The following GLIS3 variants were observed in gnomAD, a reference collection of about 807,000 sequenced individuals.
GLIS3 encodes the protein zinc finger protein GLIS3.
In GLIS3, 53 loss-of-function variants were observed where a neutral mutation model predicts 78.6. The ratio of observed to expected loss-of-function variants is 0.67; its 90% confidence interval spans 0.54 to 0.85. GLIS3 has a LOEUF of 0.85. Among genes scored for constraint, GLIS3 ranks in the 40% least tolerant of loss-of-function variants. GLIS3 has a pLI of 0.00. For synonymous variants in GLIS3, 684 were observed against 509.9 expected, an observed-to-expected ratio of 1.34 and a Z score of -4.60; for missense variants, 1,703 against 1,231.1, an observed-to-expected ratio of 1.38 and a Z score of -5.74.
chr9:4,218,369 C>T (rs987900400), intron 2 of GLIS3, among the ~76,000 whole-genome samples: 4 of 152,074 alleles, frequency 2.6e-5, no homozygotes, highest in Non-Finnish European at 5.9e-5. Context: ...AGCTCTGCCT[C>T]CCGGGTTCAC....
At chr9:4,228,137 A>G (rs1362835777) in intron 2 of GLIS3, among the ~76,000 whole-genome samples, 2 of 151,910 alleles carry the variant, frequency 1.3e-5, no homozygotes, top group East Asian at 3.9e-4. Context: ...ATACAAATAA[A>G]GCAAATTTTT....
At chr9:4,374,697 C>A in the GLIS3 span, among the ~76,000 whole-genome samples, 1 of 152,248 alleles carries the variant, frequency 6.6e-6, no homozygotes. Flanking sequence ...AAAGCCCTCT[C>A]ATCTTCTAGA....
chr9:4,199,196 C>G (rs1035699616), intron 2 of GLIS3, among the ~76,000 whole-genome samples: 2 of 152,150 alleles, frequency 1.3e-5, no homozygotes, highest in Admixed American at 1.3e-4. Flanking sequence ...ATAGAAGGGT[C>G]AAAGTCTCAC....
intron 2 of GLIS3, among the ~76,000 whole-genome samples, chr9:4,256,326 G>C (rs951182704): frequency 3.9e-5 from 6 of 152,092 alleles, no homozygotes; most frequent in East Asian, 1.9e-4. Context: ...AAGTATGAAA[G>C]GTTAATGTTT....
At chr9:4,152,094 T>A (rs1834730511) in intron 2 of GLIS3, 1 of 975,276 alleles carries the variant, frequency 1.0e-6, no homozygotes, top group Non-Finnish European at 1.2e-6. Flanking sequence ...AACACAATAT[T>A]TTTCTACGGC....
chr9:4,280,236 T>G (rs1412207511), intron 2 of GLIS3, among the ~76,000 whole-genome samples: 1 of 152,256 alleles, frequency 6.6e-6, no homozygotes, highest in African/African-American at 2.4e-5. Context: ...TTGCCCAGAC[T>G]GGTCTTGAGC....
At chr9:4,140,078 G>C (rs949728858) in intron 2 of GLIS3, among the ~76,000 whole-genome samples, 1 of 152,102 alleles carries the variant, frequency 6.6e-6, no homozygotes, top group Non-Finnish European at 1.5e-5. Context: ...TTACATAGTC[G>C]TCATAGCCGC....
At chr9:4,098,898 C>T (rs1166302117) in intron 4 of GLIS3, among the ~76,000 whole-genome samples, 1 of 152,192 alleles carries the variant, frequency 6.6e-6, no homozygotes, top group East Asian at 1.9e-4. Context: ...ATACTCACAT[C>T]CAGGTCTCAA....
intron 6 of GLIS3, among the ~76,000 whole-genome samples, chr9:3,907,653 C>CACACACAG (rs1563837094): frequency 6.7e-6 from 1 of 150,004 alleles, no homozygotes; most frequent in African/African-American, 2.5e-5. Context: ...CACACACACA[C>CACACACAG]ACTACTAAAC....
At chr9:4,279,447 G>GA (rs1285592694) in intron 2 of GLIS3, among the ~76,000 whole-genome samples, 5 of 143,194 alleles carry the variant, frequency 3.5e-5, no homozygotes, top group Middle Eastern at 3.9e-3. Flanking sequence ...GGAACTGGAA[G>GA]AAAAAAAACA....
At chr9:4,103,558 C>A (rs1348923788) in intron 4 of GLIS3, among the ~76,000 whole-genome samples, 1 of 152,186 alleles carries the variant, frequency 6.6e-6, no homozygotes, top group Non-Finnish European at 1.5e-5. Flanking sequence ...TCTCAACACA[C>A]AATGACCAAG....
the GLIS3 span, among the ~76,000 whole-genome samples, chr9:4,455,808 A>G: frequency 6.6e-6 from 1 of 152,158 alleles, no homozygotes; most frequent in African/African-American, 2.4e-5. Flanking sequence ...TTCATTTCCT[A>G]GTACATATAA....
chr9:4,466,363 T>C, the GLIS3 span, among the ~76,000 whole-genome samples: 1 of 152,190 alleles, frequency 6.6e-6, no homozygotes, highest in Non-Finnish European at 1.5e-5. Flanking sequence ...TGATGAATTC[T>C]ACCCAATATT....
chr9:4,473,607 A>G, the GLIS3 span, among the ~76,000 whole-genome samples: 2 of 152,140 alleles, frequency 1.3e-5, no homozygotes, highest in Non-Finnish European at 1.5e-5. Context: ...ACATGGACAC[A>G]TAGAAGGGAA....
At chr9:4,188,261 G>T (rs1407557936) in intron 2 of GLIS3, among the ~76,000 whole-genome samples, 2 of 151,300 alleles carry the variant, frequency 1.3e-5, no homozygotes, top group Non-Finnish European at 2.9e-5. Flanking sequence ...TAATCATGTG[G>T]TTTTTGTCTT....
chr9:3,960,536 G>A (rs548236242), intron 4 of GLIS3, among the ~76,000 whole-genome samples: 1 of 152,266 alleles, frequency 6.6e-6, no homozygotes, highest in South Asian at 2.1e-4. Context: ...GTCTTCTCTT[G>A]CTTTGTTCAT....
At chr9:4,312,140 AGTTTTT>A (rs529915049) in intron 2 of GLIS3, among the ~76,000 whole-genome samples, 79 of 151,816 alleles carry the variant, frequency 5.2e-4, no homozygotes, top group South Asian at 2.1e-3. Flanking sequence ...CTAAAATAAA[AGTTTTT>A]GTTTTTGTTT....
At chr9:4,271,686 T>G (rs946406387) in intron 2 of GLIS3, among the ~76,000 whole-genome samples, 17 of 152,216 alleles carry the variant, frequency 1.1e-4, no homozygotes, top group African/African-American at 4.1e-4. Flanking sequence ...GGTAGCACAG[T>G]GGGTTTCAGG....
At chr9:4,338,677 G>T (rs574571560) in intron 2 of GLIS3, among the ~76,000 whole-genome samples, 6 of 152,292 alleles carry the variant, frequency 3.9e-5, no homozygotes, top group African/African-American at 1.4e-4. Flanking sequence ...AAAAGGAACT[G>T]GGGGAAAATA....
Sources: allele counts gnomAD v4.1 joint callset (sites outside exome capture counted in the v4.1 genomes callset), GRCh38; gene constraint gnomAD v4.1.1; transcripts MANE v1.5; gene names NCBI Gene and HGNC (gene_info 2026-07-23, HGNC 2026-07-21).